SMARCA2: variants seen among roughly 807,000 people sequenced by gnomAD.
SMARCA2 encodes SWI/SNF-related matrix-associated actin-dependent regulator of chromatin subfamily A member 2.
Under a neutral mutation model 199.8 loss-of-function variants are expected in SMARCA2, and 61 were observed. That is an observed-to-expected ratio of 0.31 (90% CI 0.25 to 0.38). The LOEUF (loss-of-function observed/expected upper bound fraction) is 0.38. Among genes scored for constraint, SMARCA2 ranks in the 10% least tolerant of loss-of-function variants. SMARCA2 has a pLI of 1.00. For missense variants in SMARCA2, 1,344 were observed against 2,012.2 expected (o/e 0.67, Z 6.35); for synonymous variants, 935 against 732.0 (o/e 1.28, Z -4.48).
intron 27 of SMARCA2, among the ~76,000 whole-genome samples, chr9:2,132,908 T>A (rs953871568): frequency 6.6e-6 from 1 of 152,234 alleles, no homozygotes; most frequent in Non-Finnish European, 1.5e-5. Context: ...GACTTAACAT[T>A]TCCCATTTTA....
intron 28 of SMARCA2, among the ~76,000 whole-genome samples, chr9:2,162,514 G>A (rs10965055): frequency 0.3 from 45,423 of 152,018 alleles, 7,424 homozygotes; most frequent in African/African-American, 0.44. Flanking sequence ...ATTTTAAACA[G>A]TGAATAATTA....
At chr9:2,160,064 G>GT in intron 27 of SMARCA2, 1 of 909,220 alleles carries the variant, frequency 1.1e-6, no homozygotes, top group Non-Finnish European at 1.6e-6. Context: ...TGACAGCCTT[G>GT]CATGCTGTAT....
chr9:2,178,725 A>AT (rs200474480), intron 29 of SMARCA2, among the ~76,000 whole-genome samples: 2,932 of 151,582 alleles, frequency 0.019, 88 homozygotes, highest in African/African-American at 0.067. Flanking sequence ...TGTTTGTTTA[A>AT]TTTTTTTTTA....
Position 2,115,896 on chromosome 9 carries a change from G to T in SMARCA2, c.3531G>T (p.Val1177=). 6.2e-7 allele frequency: 1 copy of T among 1,614,138 alleles called. No individual in the cohort carries two copies. The highest frequency in any genetic ancestry group is 8.5e-7 in the Non-Finnish European group (1 of 1,180,018). ...TCCGGGTACTGAGGCTCTGTACCGT[G>T]AACAGCGTGGAGGAAAAGATCCTCG... ...NEVRVLRLCT[V]NSVEEKILAA... is the part of the protein sequence containing the mutation. Residue 1177 remains valine (V), a synonymous_variant, in exon 25 of 34, where the codon GTG becomes GTT. Transcript: ENST00000349721. The surrounding 1 kb of genome is among the most constrained non-coding windows in gnomAD (Gnocchi z 6.0).
intron 9 of SMARCA2, among the ~76,000 whole-genome samples, chr9:2,068,734 T>C (rs554781262): frequency 6.6e-6 from 1 of 152,180 alleles, no homozygotes; most frequent in Non-Finnish European, 1.5e-5. Context: ...TTTTTTTTTT[T>C]CTCTCATTAT....
chr9:2,115,221 C>A lies in SMARCA2; in HGVS notation c.3457-601C>A, dbSNP rs1319159419. 1.3e-5 allele frequency among the ~76,000 whole-genome samples: 2 copies of A among 152,100 alleles called. No homozygotes were observed. The highest frequency in any genetic ancestry group is 2.4e-5 in the African/African-American group (1 of 41,420). The stretch of plus-strand genomic sequence containing the variant: ...AATAGGTAGTGACAAATTTCTGTCC[C>A]CAAAAGTTTACCAGTTGACTACCCA... On this transcript the variant is annotated intron_variant, in intron 24 of 33. Transcript: ENST00000349721. This position sits in a 1 kb window ranked among gnomAD's most constrained non-coding sequence, Gnocchi z 6.0.
At chr9:2,127,901 AT>A (rs1225879623) in intron 27 of SMARCA2, among the ~76,000 whole-genome samples, 1 of 152,058 alleles carries the variant, frequency 6.6e-6, no homozygotes, top group Non-Finnish European at 1.5e-5. Flanking sequence ...GGAATTTAGA[AT>A]TTTTTTCTGC....
intron 24 of SMARCA2, among the ~76,000 whole-genome samples, chr9:2,111,286 G>A (rs1234239674): frequency 6.6e-6 from 1 of 151,752 alleles, no homozygotes; most frequent in East Asian, 1.9e-4. Flanking sequence ...CCAGGAATTT[G>A]AGACCAGCCT....
Position 2,058,092 on chromosome 9 carries a change from C to T in SMARCA2, c.1348-199C>T, listed in dbSNP as rs906474819. 1.9e-5 allele frequency: 10 copies of T among 514,870 alleles called. No homozygotes were observed. The East Asian group carries it at 2.2e-4, about 11-fold the overall frequency. 31.9% of individuals were successfully genotyped at this position (514,870 alleles called of 1,614,324 possible). On this transcript the variant is annotated intron_variant, in intron 7 of 33. Transcript: ENST00000349721. The stretch of plus-strand genomic sequence containing the variant: ...GCTAAAGCTTACAACAAAAGGAACC[C>T]GAAGAGGCTATCTTTCCCACCAGCC...
chr9:2,092,631 C>A (rs1822106928), intron 19 of SMARCA2, among the ~76,000 whole-genome samples: 1 of 152,136 alleles, frequency 6.6e-6, no homozygotes, highest in African/African-American at 2.4e-5. Context: ...AAATGCTGAG[C>A]CAGTATAATG....
chr9:2,073,483 T>C (rs1821177356), intron 11 of SMARCA2, 83 bp from the exon 12 acceptor site: 1 of 1,447,074 alleles, frequency 6.9e-7, no homozygotes, highest in Non-Finnish European at 9.6e-7. Flanking sequence ...ATACATAGAA[T>C]GTGCTATTAA....
intron 9 of SMARCA2, among the ~76,000 whole-genome samples, chr9:2,061,954 G>C (rs1322482716): frequency 6.6e-6 from 1 of 152,234 alleles, no homozygotes; most frequent in Non-Finnish European, 1.5e-5. Context: ...ATGAACGAGA[G>C]ATGACTCAGG....
intron 24 of SMARCA2, among the ~76,000 whole-genome samples, chr9:2,112,010 G>A (rs189613537): frequency 1.5e-3 from 234 of 152,336 alleles, no homozygotes; most frequent in African/African-American, 5.2e-3. Flanking sequence ...CAGGAAATAT[G>A]GTTACGTATT....
chr9:2,188,952 C>T (rs1302659410), intron 32 of SMARCA2, among the ~76,000 whole-genome samples: 1 of 152,220 alleles, frequency 6.6e-6, no homozygotes, highest in Non-Finnish European at 1.5e-5. Context: ...CTTGTTCCAA[C>T]TTTAAAGCCA....
At position 2,172,410 on chromosome 9, in the gene SMARCA2, C is replaced by G. The variant is rs150371323; in HGVS notation, c.4253+1938C>G. Among the ~76,000 whole-genome samples the G allele has an allele frequency of 5.1e-4, 73 of 144,432 alleles. 1 individual carries two copies. Among genetic ancestry groups the G allele is most frequent in the African/African-American group, 1.8e-3 (69 of 38,754 alleles). 94.8% of individuals were successfully genotyped at this position (144,432 alleles called of 152,430 possible). On this transcript the variant is annotated intron_variant, in intron 29 of 33. Coordinates refer to ENST00000349721, the MANE Select transcript of SMARCA2 (RefSeq NM_003070.5). The stretch of plus-strand genomic sequence containing the variant: ...GGCTGTGAGCAGAGTGGGAGTTTCT[C>G]AAACAGACGGGTGAAGGGAGGATGG...
At chr9:2,071,445 C>G (rs575978969) in intron 10 of SMARCA2, among the ~76,000 whole-genome samples, 5 of 152,160 alleles carry the variant, frequency 3.3e-5, no homozygotes, top group African/African-American at 1.2e-4. Flanking sequence ...AAAAGCCCAG[C>G]CTTACCTAAG....
intron 27 of SMARCA2, among the ~76,000 whole-genome samples, chr9:2,149,523 A>C (rs536484582): frequency 6.6e-6 from 1 of 151,670 alleles, no homozygotes; most frequent in Non-Finnish European, 1.5e-5. Context: ...CCTCAAAAAA[A>C]CAACAACGAA....
At position 2,056,667 on chromosome 9, in the gene SMARCA2, G is replaced by A. The variant is rs982130017; in HGVS notation, c.1174-5G>A. 6.2e-6 allele frequency: 10 copies of A among 1,611,986 alleles called. No homozygotes were observed. The African/African-American group carries it at 8.0e-5, about 13-fold the overall frequency. ...AAGGCTGTCTAACTGCTCTCTTCTTGACAGCTGAGACAGGAGGTGGTGGCC... is the reference window on the plus strand; with the variant it reads ...AAGGCTGTCTAACTGCTCTCTTCTTAACAGCTGAGACAGGAGGTGGTGGCC... On this transcript the variant is annotated splice_region_variant and splice_polypyrimidine_tract_variant and intron_variant, in intron 6 of 33. Coordinates refer to ENST00000349721, the MANE Select transcript of SMARCA2 (RefSeq NM_003070.5). The surrounding 1 kb of genome is among the most constrained non-coding windows in gnomAD (Gnocchi z 4.0).
At chr9:2,074,762 G>C (rs931451624) in intron 12 of SMARCA2, among the ~76,000 whole-genome samples, 3 of 152,190 alleles carry the variant, frequency 2.0e-5, no homozygotes, top group Non-Finnish European at 2.9e-5. Flanking sequence ...AGCTACTCGG[G>C]AGGCTGAGGT....
Sources: allele counts gnomAD v4.1 joint callset (sites outside exome capture counted in the v4.1 genomes callset), GRCh38; gene constraint gnomAD v4.1.1; non-coding constraint Gnocchi (gnomAD v3.1); transcripts MANE v1.5; gene names NCBI Gene and HGNC (gene_info 2026-07-23, HGNC 2026-07-21).